POU6F2: variants seen among roughly 807,000 people sequenced by gnomAD.
POU6F2 encodes POU domain, class 6, transcription factor 2.
A neutral mutation model predicts 71.3 loss-of-function variants in POU6F2; 31 were observed. The ratio of observed to expected loss-of-function variants is 0.43; its 90% CI spans 0.33 to 0.59. POU6F2 has a LOEUF of 0.59. Ranked by LOEUF, POU6F2 falls within the 20% of genes least tolerant of loss-of-function variation. POU6F2 has a pLI of 0.04. For missense variants in POU6F2, 783 were observed against 856.8 expected (o/e 0.91, Z 1.07); for synonymous variants, 347 against 355.7 (o/e 0.98, Z 0.27).
chr7:39,091,730 C>A (rs915898793), intron 2 of POU6F2, among the ~76,000 whole-genome samples: 1 of 152,302 alleles, frequency 6.6e-6, no homozygotes, highest in Non-Finnish European at 1.5e-5. Flanking sequence ...AGATTGCTTT[C>A]GCTCTTAATT....
At chr7:39,159,184 TA>T (rs1250749103) in intron 2 of POU6F2, among the ~76,000 whole-genome samples, 2 of 151,796 alleles carry the variant, frequency 1.3e-5, no homozygotes, top group Non-Finnish European at 2.9e-5. Context: ...TCTCAAAAAA[TA>T]AAAAATAAAA....
At chr7:39,323,872 G>A (rs1016388479) in intron 4 of POU6F2, among the ~76,000 whole-genome samples, 10 of 152,034 alleles carry the variant, frequency 6.6e-5, no homozygotes, top group African/African-American at 2.4e-4. Flanking sequence ...ACTTTGGGAG[G>A]CTGAGGCAGG....
intron 2 of POU6F2, among the ~76,000 whole-genome samples, chr7:39,131,745 T>C (rs184029614): frequency 6.6e-6 from 1 of 152,334 alleles, no homozygotes; most frequent in Admixed American, 6.5e-5. Context: ...CTTTATTTTA[T>C]CTTCTGATCT....
intron 5 of POU6F2, among the ~76,000 whole-genome samples, chr7:39,390,655 C>A (rs1787049430): frequency 1.3e-5 from 2 of 152,114 alleles, no homozygotes; most frequent in Admixed American, 1.3e-4. Flanking sequence ...TTACAAATTT[C>A]TTCCATTAGT....
intron 5 of POU6F2, among the ~76,000 whole-genome samples, chr7:39,366,560 GCAGCAACGAC>G (rs1786505615): frequency 6.6e-6 from 1 of 152,172 alleles, no homozygotes; most frequent in South Asian, 2.1e-4. Flanking sequence ...TGGTCTGAGA[GCAGCAACGAC>G]CAGCAAGCAA....
At chr7:39,316,164 A>C (rs1478109778) in intron 4 of POU6F2, among the ~76,000 whole-genome samples, 1 of 152,172 alleles carries the variant, frequency 6.6e-6, no homozygotes, top group Non-Finnish European at 1.5e-5. Context: ...GCCTCAGTCT[A>C]TTGACAGGGT....
chr7:39,370,857 T>C (rs996208658), intron 5 of POU6F2, among the ~76,000 whole-genome samples: 9 of 152,218 alleles, frequency 5.9e-5, no homozygotes, highest in African/African-American at 2.2e-4. Flanking sequence ...CTCCACCCTG[T>C]AGGCTCAACC....
chr7:39,448,639 A>G (rs1321160152), intron 7 of POU6F2, among the ~76,000 whole-genome samples: 1 of 152,140 alleles, frequency 6.6e-6, no homozygotes, highest in African/African-American at 2.4e-5. Context: ...GTGACTCTTA[A>G]TTTAAGCAAT....
intron 5 of POU6F2, among the ~76,000 whole-genome samples, chr7:39,375,032 C>G (rs1007488280): frequency 1.2e-4 from 19 of 152,154 alleles, no homozygotes; most frequent in African/African-American, 4.6e-4. Context: ...AAACAATTTT[C>G]CCAGCCAGGC....
chr7:39,117,377 A>C (rs1791952503), intron 2 of POU6F2, among the ~76,000 whole-genome samples: 1 of 152,128 alleles, frequency 6.6e-6, no homozygotes, highest in Admixed American at 6.5e-5. Flanking sequence ...TAAAACCAAA[A>C]ATGTTAGAGT....
At chr7:39,405,103 G>A (rs1787394589) in intron 5 of POU6F2, 1 of 152,134 alleles carries the variant, frequency 6.6e-6, no homozygotes, top group Non-Finnish European at 1.5e-5. Flanking sequence ...TTTAAAAAAT[G>A]TGCTGGGTCA....
chr7:39,011,440 T>C (rs1293195284), intron 1 of POU6F2, among the ~76,000 whole-genome samples: 2 of 147,536 alleles, frequency 1.4e-5, no homozygotes, highest in African/African-American at 2.5e-5. Flanking sequence ...ATGGGTTTCC[T>C]GAATACAGCA....
At chr7:39,151,874 G>T (rs557216394) in intron 2 of POU6F2, among the ~76,000 whole-genome samples, 1 of 152,128 alleles carries the variant, frequency 6.6e-6, no homozygotes, top group Non-Finnish European at 1.5e-5. Context: ...GAAGGGGACC[G>T]CTGGTAACCC....
chr7:39,223,600 A>G (rs901200001), intron 4 of POU6F2, among the ~76,000 whole-genome samples: 2 of 152,148 alleles, frequency 1.3e-5, no homozygotes, highest in African/African-American at 4.8e-5. Context: ...CTAAACAATC[A>G]TCCTGTTTTT....
chr7:39,137,197 T>C (rs1168836172), intron 2 of POU6F2, among the ~76,000 whole-genome samples: 1 of 152,180 alleles, frequency 6.6e-6, no homozygotes, highest in Non-Finnish European at 1.5e-5. Context: ...ATATGCTAAT[T>C]ACCCTGATTT....
intron 2 of POU6F2, among the ~76,000 whole-genome samples, chr7:39,144,394 T>C (rs1343045349): frequency 6.6e-6 from 1 of 152,234 alleles, no homozygotes; most frequent in Non-Finnish European, 1.5e-5. Flanking sequence ...TCCTATGATA[T>C]GCATTATAAT....
chr7:39,205,457 A>G (rs551392114), intron 3 of POU6F2, among the ~76,000 whole-genome samples: 2 of 152,158 alleles, frequency 1.3e-5, no homozygotes, highest in East Asian at 3.9e-4. Context: ...TGGAGAGTGC[A>G]TGCCCTGCCT....
chr7:39,190,053 C>T (rs7795617), intron 2 of POU6F2, among the ~76,000 whole-genome samples: 56,424 of 151,746 alleles, frequency 0.37, 10,812 homozygotes, highest in South Asian at 0.49. Flanking sequence ...GCCACCATGC[C>T]TGACTAATTT....
chr7:39,122,704 A>ATTTTTTTTTTTTTT, intron 2 of POU6F2, among the ~76,000 whole-genome samples: 1 of 117,148 alleles, frequency 8.5e-6, no homozygotes, highest in Non-Finnish European at 1.8e-5. Context: ...ATGCATGCCT[A>ATTTTTTTTTTTTTT]TTTTTTTTTT....
Sources: gnomAD v4.1 joint callset for allele counts (sites outside exome capture counted in the v4.1 genomes callset) on GRCh38, gnomAD v4.1.1 for gene constraint, MANE v1.5 for transcripts, NCBI Gene and HGNC (gene_info 2026-07-23, HGNC 2026-07-21) for gene names.